CAPN8: variants seen among roughly 807,000 people sequenced by gnomAD.
CAPN8 encodes calpain-8.
A neutral mutation model predicts 80.9 loss-of-function variants in CAPN8; 87 were observed. The observed-to-expected ratio is 1.07, with a 90% CI of 0.90 to 1.28. The LOEUF is 1.28. Among genes scored for constraint, CAPN8 ranks in the 50% most tolerant of loss-of-function variants. CAPN8 has a pLI of 0.00. For synonymous variants in CAPN8, 299 were observed against 273.8 expected, an observed-to-expected ratio of 1.09 and a Z score of -0.91; for missense variants, 757 against 702.0, an observed-to-expected ratio of 1.08 and a Z score of -0.89.
chr1:223,550,565 A>T (rs1208211589), intron 15 of CAPN8, among the ~76,000 whole-genome samples: 1 of 152,166 alleles, frequency 6.6e-6, no homozygotes, highest in African/African-American at 2.4e-5. Context: ...TTCCCTCAAG[A>T]TGAGCTACAG....
chr1:223,628,002 CA>C lies in CAPN8; in HGVS notation c.560+6del. On this transcript the variant is annotated splice_donor_region_variant and intron_variant, in intron 4 of 20. Transcript: ENST00000366872. ...GCGTCTCCCAGCTCCTGGCTTCCCCCACTTACTTGGCATAGGCTTTCTCCAG... is the reference window on the plus strand; with the variant it reads ...GCGTCTCCCAGCTCCTGGCTTCCCCCCTTACTTGGCATAGGCTTTCTCCAG... The C allele has an allele frequency of 6.5e-7, 1 of 1,530,328 alleles. No homozygotes were observed. The highest frequency in any genetic ancestry group is 1.2e-5 in the South Asian group (1 of 82,540). The allele number at this position is 1,530,328 out of a possible 1,614,324, so 94.8% of individuals were successfully genotyped here. A position where few individuals can be genotyped will look rare whatever the true frequency, so the allele number is the denominator to read the frequency against.
chr1:223,626,607 T>G (rs1375171461), intron 5 of CAPN8, among the ~76,000 whole-genome samples: 1 of 152,146 alleles, frequency 6.6e-6, no homozygotes, highest in Non-Finnish European at 1.5e-5. Context: ...TCAAGATCCA[T>G]CAGGTATCAT....
At chr1:223,640,429 G>A (rs376790523) in intron 2 of CAPN8, among the ~76,000 whole-genome samples, 222 of 152,268 alleles carry the variant, frequency 1.5e-3, no homozygotes, top group African/African-American at 5.3e-3. Context: ...AGTTGCTGGT[G>A]TCCTTCCCTA....
intron 10 of CAPN8, among the ~76,000 whole-genome samples, chr1:223,615,555 T>C (rs1171033902): frequency 1.3e-5 from 2 of 152,142 alleles, no homozygotes; most frequent in African/African-American, 2.4e-5. Flanking sequence ...TCCCAGGGAA[T>C]AGTTGTCTTT....
intron 7 of CAPN8, chr1:223,622,593 T>C (rs1358864401): frequency 3.6e-6 from 2 of 556,098 alleles, no homozygotes; most frequent in Admixed American, 3.5e-5. Flanking sequence ...AACTTTCAAA[T>C]GCCAAAGCAG....
At chr1:223,544,397 C>T (rs1656560998) in intron 18 of CAPN8, 1 of 588,768 alleles carries the variant, frequency 1.7e-6, no homozygotes. Context: ...CAGCCTAATT[C>T]CAGGTCCAGC....
Position 223,541,671 on chromosome 1 carries a change from C to T in CAPN8, c.*165G>A. ...CCCTCCACTGGGCCCACCGGGTCGG[C>T]TTACATAGCTCATAGCTCAGTGCTG... On this transcript the variant is annotated 3_prime_UTR_variant, in exon 21 of 21. Coordinates refer to ENST00000366872, the MANE Select transcript of CAPN8 (RefSeq NM_001143962.2). The T allele has an allele frequency of 4.5e-6, 5 of 1,116,914 alleles. No homozygotes were observed. The South Asian group carries it at 7.2e-5, about 16-fold the overall frequency. 69.2% of individuals were successfully genotyped at this position (1,116,914 alleles called of 1,614,324 possible). A position where few individuals can be genotyped will look rare whatever the true frequency, so the allele number is the denominator to read the frequency against.
At chr1:223,618,152 C>T in intron 9 of CAPN8, 1 of 1,403,532 alleles carries the variant, frequency 7.1e-7, no homozygotes, top group Non-Finnish European at 9.8e-7. Context: ...AGGCAGGGAA[C>T]ATGGGGAGCA....
chr1:223,627,195 C>T lies in CAPN8; in HGVS notation c.561-38G>A, dbSNP rs539510603. 3 of 1,546,798 alleles carry T rather than the reference C, an allele frequency of 1.9e-6. No individual in the cohort carries two copies. In the African/African-American group the frequency reaches 4.1e-5, roughly 21 times the overall value. On this transcript the variant is annotated intron_variant, in intron 4 of 20. Coordinates refer to ENST00000366872, the MANE Select transcript of CAPN8 (RefSeq NM_001143962.2). Reference sequence around the variant, plus strand: ...AAAGAACACATGCTCCATTAGCACCCTCAGCAAGGAGACCCGGGGATTGGG... The same window carrying T: ...AAAGAACACATGCTCCATTAGCACCTTCAGCAAGGAGACCCGGGGATTGGG...
In CAPN8 at chr1:223,553,334, G is replaced by A. The variant is rs931912522; in HGVS notation, c.1641+498C>T. ...GTTGCATTCATGTCGGGCAAAGCTT[G>A]GATTCCTCAGGCTGCTGGTCTCCCA... On this transcript the variant is annotated intron_variant, in intron 14 of 20. Transcript: ENST00000366872. 1.9e-3 allele frequency among the ~76,000 whole-genome samples: 283 copies of A among 152,260 alleles called. 1 individual carries two copies. Among genetic ancestry groups the A allele is most frequent in the African/African-American group, 6.1e-3 (255 of 41,554 alleles).
chr1:223,543,076 G>T (rs1359520018), intron 20 of CAPN8, 32 bp downstream of exon 20: 2 of 1,550,992 alleles, frequency 1.3e-6, no homozygotes, highest in Non-Finnish European at 1.7e-6. Context: ...AGTACCATCA[G>T]CCAGCAATTC....
intron 15 of CAPN8, chr1:223,549,635 C>T (rs1656731685): frequency 9.6e-6 from 6 of 623,452 alleles, no homozygotes; most frequent in Non-Finnish European, 1.7e-5. Context: ...TCCCCACAAG[C>T]CACAGACTTC....
At chr1:223,542,331 C>T (rs1215124155) in intron 20 of CAPN8, among the ~76,000 whole-genome samples, 1 of 151,990 alleles carries the variant, frequency 6.6e-6, no homozygotes, top group East Asian at 1.9e-4. Flanking sequence ...TTTATGCACC[C>T]ACACAACCAC....
At position 223,654,321 on chromosome 1, in the gene CAPN8, G is replaced by C. The variant is rs1329805011; in HGVS notation, c.307+9C>G. 1.9e-6 allele frequency: 3 copies of C among 1,551,222 alleles called. No individual in the cohort carries two copies. The African/African-American group carries it at 4.1e-5, about 21-fold the overall frequency. Reference sequence around the variant, plus strand: ...CCCAAAACAAATAAGACTCTCCCCAGTTACTCACCTAGACCACCCTGACAA... The same window carrying C: ...CCCAAAACAAATAAGACTCTCCCCACTTACTCACCTAGACCACCCTGACAA... On this transcript the variant is annotated intron_variant, in intron 2 of 20. Transcript: ENST00000366872.
intron 2 of CAPN8, among the ~76,000 whole-genome samples, chr1:223,641,952 C>A (rs186662148): frequency 1.6e-4 from 25 of 152,336 alleles, no homozygotes; most frequent in Admixed American, 1.5e-3. Context: ...GCATCCACAA[C>A]CAACGGTACT....
At chr1:223,647,166 G>C (rs1387858347) in intron 2 of CAPN8, among the ~76,000 whole-genome samples, 1 of 152,164 alleles carries the variant, frequency 6.6e-6, no homozygotes, top group East Asian at 1.9e-4. Flanking sequence ...GCAAAAAGAA[G>C]TCTCCCCTGG....
At chr1:223,614,990 C>T (rs986710553) in intron 10 of CAPN8, among the ~76,000 whole-genome samples, 1 of 152,212 alleles carries the variant, frequency 6.6e-6, no homozygotes, top group African/African-American at 2.4e-5. Flanking sequence ...AAAATATACT[C>T]GCATGCTCGT....
chr1:223,554,862 C>A (rs1656870100), intron 13 of CAPN8, among the ~76,000 whole-genome samples: 1 of 152,212 alleles, frequency 6.6e-6, no homozygotes, highest in East Asian at 1.9e-4. Context: ...AATTACAAAC[C>A]ATTATATGAA....
intron 2 of CAPN8, among the ~76,000 whole-genome samples, chr1:223,637,751 A>G (rs1047534464): frequency 6.6e-6 from 1 of 152,262 alleles, no homozygotes; most frequent in Non-Finnish European, 1.5e-5. Context: ...CCTAAAGATC[A>G]CCATCTCTGC....
Sources: gnomAD v4.1 joint callset for allele counts (sites outside exome capture counted in the v4.1 genomes callset) on GRCh38, gnomAD v4.1.1 for gene constraint, MANE v1.5 for transcripts, NCBI Gene and HGNC (gene_info 2026-07-23, HGNC 2026-07-21) for gene names.